The following STK24 variants were observed in gnomAD, a reference collection of about 807,000 sequenced individuals.
STK24 encodes serine/threonine-protein kinase 24.
Under a neutral mutation model 55.6 loss-of-function variants are expected in STK24, and 21 were observed. The observed-to-expected ratio is 0.38, with a 90% CI of 0.27 to 0.54. STK24 has a LOEUF of 0.54. Ranked by LOEUF, STK24 falls within the 20% of genes least tolerant of loss-of-function variation. STK24 has a pLI of 0.79. For missense variants in STK24, 383 were observed against 538.4 expected, an observed-to-expected ratio of 0.71 and a Z score of 2.86; for synonymous variants, 200 against 215.2, an observed-to-expected ratio of 0.93 and a Z score of 0.62.
At chr13:98,460,228 G>T in intron 9 of STK24, 144 bp downstream of exon 9, 1 of 677,762 alleles carries the variant, frequency 1.5e-6, no homozygotes, top group Non-Finnish European at 2.6e-6. Flanking sequence ...GACAGCCTTT[G>T]GGAAGGCACC....
intron 2 of STK24, among the ~76,000 whole-genome samples, chr13:98,506,921 C>T (rs1460860958): frequency 1.3e-5 from 2 of 152,234 alleles, no homozygotes; most frequent in Non-Finnish European, 1.5e-5. Context: ...GCCAGGAGCC[C>T]GCAGGCCCGT....
intron 1 of STK24, among the ~76,000 whole-genome samples, chr13:98,560,436 A>C (rs1897388694): frequency 6.6e-6 from 1 of 152,236 alleles, no homozygotes; most frequent in Admixed American, 6.5e-5. Context: ...ATTTTAAGTC[A>C]TAATATTGGC....
chr13:98,565,276 G>T (rs1329795698), intron 1 of STK24, among the ~76,000 whole-genome samples: 1 of 151,748 alleles, frequency 6.6e-6, no homozygotes, highest in Admixed American at 6.6e-5. Flanking sequence ...AGGGCAGCAG[G>T]GCAGAGCCTG....
intron 1 of STK24, among the ~76,000 whole-genome samples, chr13:98,575,815 G>A (rs1897875151): frequency 2.0e-5 from 3 of 152,124 alleles, no homozygotes; most frequent in Admixed American, 6.5e-5. Context: ...CACCATTTCT[G>A]CGCCTACAAA....
Position 98,460,451 on chromosome 13 carries a change from AG to A in STK24, c.1054-12del. ...CGGGATGTCTTTCATCTTGGGGGAG[AG>A]GGAAAAAAAGGTCATCAGAAACAGT... On this transcript the variant is annotated splice_polypyrimidine_tract_variant and intron_variant, in intron 8 of 10. Coordinates refer to ENST00000539966, the MANE Select transcript of STK24 (RefSeq NM_001032296.4). 6.2e-7 allele frequency: 1 copy of A among 1,607,296 alleles called. No individual in the cohort carries two copies. Among genetic ancestry groups the A allele is most frequent in the East Asian group, 2.2e-5 (1 of 44,844 alleles).
At position 98,569,852 on chromosome 13, in the gene STK24, G is replaced by GAA. The variant is rs56223563; in HGVS notation, c.42+6891_42+6892dup. ...GTCTATAGACAATGCCTGAAACCAG[G>GAA]AAAAAAAAAAAAACACAGGCAGAAA... is the stretch of plus-strand genomic sequence containing the variant. On this transcript the variant is annotated intron_variant, in intron 1 of 10. Coordinates refer to ENST00000539966, the MANE Select transcript of STK24 (RefSeq NM_001032296.4). Among the ~76,000 whole-genome samples the GAA allele has an allele frequency of 7.0e-3, 958 of 136,658 alleles. 11 individuals carry two copies. Among genetic ancestry groups the GAA allele is most frequent in the African/African-American group, 0.022 (803 of 36,706 alleles). The allele number at this position is 136,658 out of a possible 152,430, so 89.7% of individuals were successfully genotyped here. A position where few individuals can be genotyped will look rare whatever the true frequency, so the allele number is the denominator to read the frequency against.
At position 98,479,379 on chromosome 13, in the gene STK24, G is replaced by A. The variant is rs565595216; in HGVS notation, c.330+2886C>T. Among the ~76,000 whole-genome samples the A allele has an allele frequency of 1.2e-3, 189 of 152,134 alleles. 3 individuals carry two copies. The South Asian group carries it at 0.016, about 13-fold the overall frequency. ...TACCTATTTTCTATTTTATATTCAT[G>A]GCTCTTAATAATACTGTCTCTAGTC... On this transcript the variant is annotated intron_variant, in intron 3 of 10. Coordinates refer to ENST00000539966, the MANE Select transcript of STK24 (RefSeq NM_001032296.4).
At chr13:98,532,822 T>G (rs1896617145) in intron 1 of STK24, among the ~76,000 whole-genome samples, 3 of 152,254 alleles carry the variant, frequency 2.0e-5, no homozygotes, top group Non-Finnish European at 4.4e-5. Context: ...CTTCCTAGTC[T>G]GTGTCCATGA....
chr13:98,524,091 G>A (rs1187328035), intron 1 of STK24, among the ~76,000 whole-genome samples: 1 of 152,166 alleles, frequency 6.6e-6, no homozygotes, highest in Non-Finnish European at 1.5e-5. Context: ...TGAGTCAGAC[G>A]CTGTGCCAGG....
At chr13:98,500,050 T>C (rs941105572) in intron 2 of STK24, among the ~76,000 whole-genome samples, 5 of 152,228 alleles carry the variant, frequency 3.3e-5, no homozygotes, top group African/African-American at 1.2e-4. Context: ...GAACAGGACA[T>C]TCACAAATAC....
chr13:98,571,848 C>T (rs565171891), intron 1 of STK24, among the ~76,000 whole-genome samples: 1 of 152,220 alleles, frequency 6.6e-6, no homozygotes, highest in Non-Finnish European at 1.5e-5. Context: ...GACACCTGGG[C>T]TCCCCACTCG....
At chr13:98,517,259 T>G (rs1377307482) in intron 2 of STK24, among the ~76,000 whole-genome samples, 1 of 152,252 alleles carries the variant, frequency 6.6e-6, no homozygotes, top group African/African-American at 2.4e-5. Context: ...TGAAGTAATT[T>G]CACAGGGAAT....
intron 5 of STK24, among the ~76,000 whole-genome samples, chr13:98,468,514 G>T (rs1894004027): frequency 6.6e-6 from 1 of 152,202 alleles, no homozygotes; most frequent in Non-Finnish European, 1.5e-5. Context: ...GCACAAGGAG[G>T]GAGGACCGAG....
rs1270634050 is a variant in STK24, at chr13:98,451,733, CA to C, written c.*1439del. ...GATGTCAATCATCAGCTTCAACAAA[CA>C]TAAAAGAATGCTTCATGTACCAGTC... On this transcript the variant is annotated 3_prime_UTR_variant, in exon 11 of 11. Coordinates refer to ENST00000539966, the MANE Select transcript of STK24 (RefSeq NM_001032296.4). 6.6e-6 allele frequency: 1 copy of C among 152,192 alleles called. No homozygotes were observed. Among genetic ancestry groups the C allele is most frequent in the African/African-American group, 2.4e-5 (1 of 41,436 alleles). The allele number at this position is 152,192 out of a possible 1,614,324, so 9.4% of individuals were successfully genotyped here.
At chr13:98,549,844 A>T (rs1897117875) in intron 1 of STK24, among the ~76,000 whole-genome samples, 1 of 152,184 alleles carries the variant, frequency 6.6e-6, no homozygotes, top group Non-Finnish European at 1.5e-5. Flanking sequence ...ATCACCTCCT[A>T]AAGGCCCCAC....
At chr13:98,469,376 C>G (rs1056330408) in intron 5 of STK24, among the ~76,000 whole-genome samples, 1 of 152,130 alleles carries the variant, frequency 6.6e-6, no homozygotes. Flanking sequence ...TGGCGAAACC[C>G]CATCTCTACT....
chr13:98,539,911 ACAG>A (rs1327641335), intron 1 of STK24, among the ~76,000 whole-genome samples: 1 of 152,194 alleles, frequency 6.6e-6, no homozygotes, highest in Admixed American at 6.5e-5. Flanking sequence ...AGACACACAC[ACAG>A]ATGTTCACAG....
At chr13:98,453,805 T>C (rs1027594118) in intron 10 of STK24, 3 of 142,416 alleles carry the variant, frequency 2.1e-5, no homozygotes, top group African/African-American at 7.6e-5. Context: ...ATGGTAATTA[T>C]CTGTATTTAC....
intron 2 of STK24, among the ~76,000 whole-genome samples, chr13:98,518,367 G>A (rs1325242787): frequency 1.3e-5 from 2 of 152,196 alleles, no homozygotes; most frequent in Non-Finnish European, 2.9e-5. Context: ...GGGAGGAAGA[G>A]GCCTGGCCCA....
Sources: gnomAD v4.1 joint callset for allele counts (sites outside exome capture counted in the v4.1 genomes callset) on GRCh38, gnomAD v4.1.1 for gene constraint, MANE v1.5 for transcripts, NCBI Gene and HGNC (gene_info 2026-07-23, HGNC 2026-07-21) for gene names.